Variants in C16orf74 observed in about 807,000 individuals in gnomAD.
The protein encoded by C16orf74 is calcimembrin.
In C16orf74, 10 loss-of-function variants were observed where a neutral mutation model predicts 6.5. That is an observed-to-expected ratio of 1.54 (90% CI 0.95 to 2.61). C16orf74 has a LOEUF of 2.61. Ranked by LOEUF, C16orf74 falls within the 30% of genes most tolerant of loss-of-function variation. The probability of loss-of-function intolerance (pLI) is 0.00; values close to 1 mark genes in which losing one functional copy is unlikely to be tolerated. For synonymous variants in C16orf74, 60 were observed against 42.5 expected (o/e 1.41, Z -1.60); for missense variants, 141 against 105.9 (o/e 1.33, Z -1.45).
chr16:85,710,181 CT>C lies in C16orf74; in HGVS notation c.154del (p.Arg52GlyfsTer56), dbSNP rs2053954676. On this transcript the variant is annotated frameshift_variant, in exon 3 of 4. Coordinates refer to ENST00000284245, the MANE Select transcript of C16orf74 (RefSeq NM_206967.3). LOFTEE classifies it high-confidence loss of function. ...PPTPTGMMLPRDLGSTVWLDE... is the reference protein window; with the variant it reads ...PPTPTGMMLPXDLGSTVWLDE... ...GGCCTCACCTGTGCTCCCCAAGTCC[CT>C]CGGCAGCATCATGCCCGTGGGGGTG... The C allele has an allele frequency of 6.8e-7, 1 of 1,468,672 alleles. No homozygotes were observed. Among genetic ancestry groups the C allele is most frequent in the African/African-American group, 1.5e-5 (1 of 67,184 alleles). 91.0% of individuals were successfully genotyped at this position (1,468,672 alleles called of 1,614,324 possible).
At chr16:85,728,009 T>C (rs1376544568) in intron 2 of C16orf74, among the ~76,000 whole-genome samples, 1 of 149,102 alleles carries the variant, frequency 6.7e-6, no homozygotes, top group Non-Finnish European at 1.5e-5. Context: ...CGTGGTGTTG[T>C]ACACCTATAC....
At chr16:85,750,279 G>T (rs1399945678) in intron 1 of C16orf74, among the ~76,000 whole-genome samples, 2 of 152,206 alleles carry the variant, frequency 1.3e-5, no homozygotes, top group Admixed American at 6.5e-5. Context: ...CGGTCTGAGA[G>T]AAGTCCCAGC....
chr16:85,722,310 A>G (rs1435149856), intron 2 of C16orf74, among the ~76,000 whole-genome samples: 1 of 152,224 alleles, frequency 6.6e-6, no homozygotes, highest in Admixed American at 6.5e-5. Flanking sequence ...AAGGAGTAGT[A>G]TAAGCAGGCC....
chr16:85,712,973 A>G (rs2053985264), intron 2 of C16orf74, among the ~76,000 whole-genome samples: 1 of 152,216 alleles, frequency 6.6e-6, no homozygotes, highest in African/African-American at 2.4e-5. Context: ...GCAATCAATC[A>G]GCCTCCAGAG....
At chr16:85,726,023 G>A (rs1205546440) in intron 2 of C16orf74, among the ~76,000 whole-genome samples, 1 of 152,090 alleles carries the variant, frequency 6.6e-6, no homozygotes, top group Non-Finnish European at 1.5e-5. Context: ...CAGTGTGCTT[G>A]GTCCTGACTC....
chr16:85,735,099 G>T, intron 2 of C16orf74, 91 bp downstream of exon 2: 1 of 1,129,344 alleles, frequency 8.9e-7, no homozygotes, highest in South Asian at 1.4e-5. Context: ...CCCTCTGCAG[G>T]GCAGAGGGCT....
intron 2 of C16orf74, among the ~76,000 whole-genome samples, chr16:85,714,378 A>ATTAT (rs1199551334): frequency 2.0e-4 from 28 of 142,220 alleles, no homozygotes; most frequent in African/African-American, 4.2e-4. Context: ...TGGAAGACCT[A>ATTAT]TTATTTATTT....
intron 2 of C16orf74, among the ~76,000 whole-genome samples, chr16:85,728,514 C>G (rs2054156354): frequency 6.6e-6 from 1 of 152,180 alleles, no homozygotes. Context: ...CAGGCTGGAG[C>G]TGACGCCCAC....
rs762297690 is a variant in C16orf74 at position 85,710,261 on chromosome 16, G to A, written c.75C>T (p.Ala25=). The A allele has an allele frequency of 2.8e-5, 43 of 1,514,032 alleles. No homozygotes were observed. Among genetic ancestry groups the A allele is most frequent in the South Asian group, 8.0e-5 (6 of 75,254 alleles). 93.8% of individuals were successfully genotyped at this position (1,514,032 alleles called of 1,614,324 possible). A position where few individuals can be genotyped will look rare whatever the true frequency, so the allele number is the denominator to read the frequency against. The part of the protein sequence containing the change: ...VSSSSSSHDE[A]PVLNDKHLDV... ...CCAGGTGCTTGTCGTTCAGGACGGGGGCCTCGTCGTGGCTGCTGCTGCTGC... is the reference window on the plus strand; with the variant it reads ...CCAGGTGCTTGTCGTTCAGGACGGGAGCCTCGTCGTGGCTGCTGCTGCTGC... The change falls in exon 3 of 4, where the codon GCC becomes GCT. Residue 25 remains alanine, a synonymous_variant. Transcript: ENST00000284245.
chr16:85,736,392 C>T (rs987898574), intron 1 of C16orf74, among the ~76,000 whole-genome samples: 1 of 152,038 alleles, frequency 6.6e-6, no homozygotes, highest in African/African-American at 2.4e-5. Flanking sequence ...GCACAAGGCC[C>T]CAGGGATTCC....
chr16:85,710,343 A>T (rs997048179), intron 2 of C16orf74, 36 bp from the exon 3 acceptor site: 1 of 1,452,944 alleles, frequency 6.9e-7, no homozygotes, highest in Non-Finnish European at 8.9e-7. Flanking sequence ...ACGCACGTAC[A>T]CACGACAGAG....
intron 1 of C16orf74, among the ~76,000 whole-genome samples, chr16:85,736,983 C>G (rs1234966590): frequency 6.6e-6 from 1 of 151,764 alleles, no homozygotes; most frequent in African/African-American, 2.4e-5. Context: ...GTGGAGGTTG[C>G]AGTGAGCTGA....
intron 1 of C16orf74, among the ~76,000 whole-genome samples, chr16:85,745,638 C>T (rs907233101): frequency 8.7e-5 from 13 of 149,926 alleles, no homozygotes; most frequent in African/African-American, 2.7e-4. Context: ...CAGAATCTCC[C>T]GCTGGCTGGA....
chr16:85,737,121 T>C (rs1291246888), intron 1 of C16orf74, among the ~76,000 whole-genome samples: 1 of 151,826 alleles, frequency 6.6e-6, no homozygotes, highest in South Asian at 2.1e-4. Flanking sequence ...TGTGGGGAAG[T>C]GATCTGTGCT....
intron 1 of C16orf74, among the ~76,000 whole-genome samples, chr16:85,746,836 T>G (rs1397503977): frequency 6.6e-6 from 1 of 152,184 alleles, no homozygotes; most frequent in Non-Finnish European, 1.5e-5. Flanking sequence ...CTTCCTTCTT[T>G]AGGAAAGCCA....
intron 2 of C16orf74, among the ~76,000 whole-genome samples, chr16:85,711,500 G>A (rs904318008): frequency 6.6e-6 from 1 of 151,416 alleles, no homozygotes; most frequent in Admixed American, 6.6e-5. Context: ...GTATGCGCCT[G>A]TAATCCCAGC....
intron 1 of C16orf74, among the ~76,000 whole-genome samples, chr16:85,740,167 G>A (rs1478015327): frequency 2.3e-5 from 3 of 130,896 alleles, no homozygotes; most frequent in Non-Finnish European, 3.1e-5. Context: ...CCGAGATCAC[G>A]CCATTGCACC....
At chr16:85,732,058 T>G (rs2054194494) in intron 2 of C16orf74, among the ~76,000 whole-genome samples, 1 of 152,178 alleles carries the variant, frequency 6.6e-6, no homozygotes, top group South Asian at 2.1e-4. Flanking sequence ...CTAAAGCAAA[T>G]GACAGTTGTC....
At chr16:85,712,550 A>G (rs2053980897) in intron 2 of C16orf74, among the ~76,000 whole-genome samples, 1 of 152,118 alleles carries the variant, frequency 6.6e-6, no homozygotes, top group South Asian at 2.1e-4. Flanking sequence ...GTCAGGGATG[A>G]TCTGTTTGAA....
Sources: gnomAD v4.1 joint callset for allele counts (sites outside exome capture counted in the v4.1 genomes callset) on GRCh38, gnomAD v4.1.1 for gene constraint, MANE v1.5 for transcripts, NCBI Gene and HGNC (gene_info 2026-07-23, HGNC 2026-07-21) for gene names.